Variants in TIAM1 observed in about 807,000 individuals in gnomAD.
TIAM1 encodes TIAM Rac1 associated GEF 1.
TIAM1 carries 65 observed loss-of-function variants against 163.5 expected under a neutral mutation model. That is an observed-to-expected ratio of 0.40 (90% CI 0.33 to 0.49). The LOEUF is 0.49. Ranked by LOEUF, TIAM1 falls within the 20% of genes least tolerant of loss-of-function variation. The pLI, the probability that TIAM1 is intolerant of heterozygous loss-of-function variation, is 0.77. For missense variants in TIAM1, 1,789 were observed against 2,044.7 expected (o/e 0.87, Z 2.41); for synonymous variants, 833 against 810.1 (o/e 1.03, Z -0.48).
intron 2 of TIAM1, among the ~76,000 whole-genome samples, chr21:31,285,163 G>C (rs1202537801): frequency 6.6e-6 from 1 of 151,818 alleles, no homozygotes; most frequent in African/African-American, 2.4e-5. Context: ...GTGGTCATCA[G>C]CTATGATTTC....
At chr21:31,227,969 C>A (rs1264722064) in intron 6 of TIAM1, among the ~76,000 whole-genome samples, 1 of 151,952 alleles carries the variant, frequency 6.6e-6, no homozygotes, top group East Asian at 1.9e-4. Context: ...GTGGCGCGAT[C>A]TCAGTTCACT....
intron 5 of TIAM1, among the ~76,000 whole-genome samples, chr21:31,248,929 T>C (rs372696522): frequency 1.3e-5 from 2 of 152,234 alleles, no homozygotes; most frequent in South Asian, 4.2e-4. Context: ...TCTGAGGGAA[T>C]GGCAGAAACA....
intron 4 of TIAM1, among the ~76,000 whole-genome samples, chr21:31,263,717 CTG>C (rs1187386067): frequency 6.6e-6 from 1 of 152,130 alleles, no homozygotes; most frequent in Non-Finnish European, 1.5e-5. Context: ...TATGCACTAA[CTG>C]AGCACTGTTC....
chr21:31,473,081 A>G (rs1033330416), intron 1 of TIAM1, among the ~76,000 whole-genome samples: 2 of 152,152 alleles, frequency 1.3e-5, no homozygotes, highest in East Asian at 1.9e-4. Flanking sequence ...GTGGAGTTTC[A>G]GGCATTTTCT....
intron 4 of TIAM1, among the ~76,000 whole-genome samples, chr21:31,264,863 C>T (rs148013192): frequency 2.6e-5 from 4 of 152,276 alleles, no homozygotes; most frequent in African/African-American, 7.2e-5. Flanking sequence ...TCAAGGCAAA[C>T]GGACCCAGTC....
intron 1 of TIAM1, among the ~76,000 whole-genome samples, chr21:31,528,839 A>C (rs991717537): frequency 9.3e-5 from 14 of 150,000 alleles, no homozygotes; most frequent in Admixed American, 4.0e-4. Flanking sequence ...AAAAAAAAAA[A>C]ACTCTCAAGA....
At chr21:31,427,980 G>T (rs528752647) in intron 2 of TIAM1, among the ~76,000 whole-genome samples, 1 of 150,752 alleles carries the variant, frequency 6.6e-6, no homozygotes, top group South Asian at 2.1e-4. Flanking sequence ...AACTGAACGC[G>T]GCCAGGCGCA....
intron 23 of TIAM1, among the ~76,000 whole-genome samples, chr21:31,133,141 T>C (rs757635288): frequency 2.0e-5 from 3 of 152,212 alleles, no homozygotes; most frequent in Non-Finnish European, 4.4e-5. Flanking sequence ...TTGCTCAGCC[T>C]TTCTGCTAGT....
intron 1 of TIAM1, among the ~76,000 whole-genome samples, chr21:31,531,981 G>C (rs941716427): frequency 2.0e-5 from 3 of 152,106 alleles, no homozygotes; most frequent in Non-Finnish European, 4.4e-5. Context: ...ACCAGGCATG[G>C]TGGCGTGTGC....
intron 2 of TIAM1, among the ~76,000 whole-genome samples, chr21:31,281,740 T>C (rs188046192): frequency 6.6e-6 from 1 of 151,740 alleles, no homozygotes; most frequent in African/African-American, 2.4e-5. Context: ...ATAATAGATA[T>C]ATGGATGAAT....
rs1333445086 is a variant in TIAM1 at position 31,225,914 on chromosome 21, C to T, written c.1621G>A (p.Ala541Thr). Residue 541 changes from alanine to threonine, a missense_variant, in exon 7 of 28, where the codon GCC becomes ACC. By Grantham distance (58) the Ala-to-Thr change is moderately conservative (BLOSUM62 0). Coordinates refer to ENST00000541036, the MANE Select transcript of TIAM1 (RefSeq NM_001353694.2). ...SQTELENWITAIHSACATAVA... is the reference protein window; with the variant it reads ...SQTELENWITTIHSACATAVA... The stretch of plus-strand genomic sequence containing the variant: ...GCAGTGGCGCAGGCAGAGTGGATGG[C>T]GGTGATCCAGTTTTCAAGCTCCGTC... The T allele has an allele frequency of 1.2e-6, 2 of 1,614,028 alleles. No individual in the cohort carries two copies. Among genetic ancestry groups the T allele is most frequent in the Non-Finnish European group, 1.7e-6 (2 of 1,179,998 alleles).
At chr21:31,222,013 A>G (rs978759693) in intron 8 of TIAM1, among the ~76,000 whole-genome samples, 1 of 152,250 alleles carries the variant, frequency 6.6e-6, no homozygotes, top group African/African-American at 2.4e-5. Flanking sequence ...CAGGGAGACC[A>G]AGAGCTGAGC....
chr21:31,322,058 C>CA (rs376266448), intron 2 of TIAM1, among the ~76,000 whole-genome samples: 4 of 151,760 alleles, frequency 2.6e-5, no homozygotes, highest in African/African-American at 4.8e-5. Context: ...AACAAAAAAA[C>CA]AAAAAAACCA....
chr21:31,387,257 G>GT (rs1357858955), intron 2 of TIAM1, among the ~76,000 whole-genome samples: 1 of 131,326 alleles, frequency 7.6e-6, no homozygotes, highest in African/African-American at 3.0e-5. Context: ...GGTCTCGCTC[G>GT]TGTCGTCCAG....
intron 2 of TIAM1, among the ~76,000 whole-genome samples, chr21:31,451,172 G>C (rs1443985443): frequency 6.6e-6 from 1 of 152,104 alleles, no homozygotes; most frequent in African/African-American, 2.4e-5. Flanking sequence ...CGGCTCCGAG[G>C]CCAGCATAAA....
At chr21:31,408,642 C>G (rs1450481413) in intron 2 of TIAM1, among the ~76,000 whole-genome samples, 1 of 152,202 alleles carries the variant, frequency 6.6e-6, no homozygotes, top group African/African-American at 2.4e-5. Flanking sequence ...TTCTGACACT[C>G]TCATCAACGT....
chr21:31,336,825 G>A (rs562937620), intron 2 of TIAM1, among the ~76,000 whole-genome samples: 3 of 152,262 alleles, frequency 2.0e-5, no homozygotes, highest in East Asian at 1.9e-4. Context: ...AATCTGAATC[G>A]GCAGAGAGCA....
rs73902307 is a variant in TIAM1, at chr21:31,305,205, A to G, written c.-188-28297T>C. Reference sequence around the variant, plus strand: ...TAAAATGCTGACTTTTAAAAAATCTACCTATAAACAATGTTTTAAATTAAA... The same window carrying G: ...TAAAATGCTGACTTTTAAAAAATCTGCCTATAAACAATGTTTTAAATTAAA... On this transcript the variant is annotated intron_variant, in intron 2 of 27. Transcript: ENST00000541036. Among the ~76,000 whole-genome samples, 749 of 152,310 alleles carry G rather than the reference A, an allele frequency of 4.9e-3. 5 individuals carry two copies. Among genetic ancestry groups the G allele is most frequent in the African/African-American group, 0.017 (727 of 41,554 alleles).
intron 2 of TIAM1, among the ~76,000 whole-genome samples, chr21:31,297,487 T>C (rs976384254): frequency 7.9e-5 from 12 of 152,156 alleles, no homozygotes. Flanking sequence ...CTCCGTCTCT[T>C]GGGTTCAGGA....
Sources: gnomAD v4.1 joint callset for allele counts (sites outside exome capture counted in the v4.1 genomes callset) on GRCh38, gnomAD v4.1.1 for gene constraint, MANE v1.5 for transcripts, NCBI Gene and HGNC (gene_info 2026-07-23, HGNC 2026-07-21) for gene names.